The following AGBL1 variants were observed in gnomAD, a reference collection of about 807,000 sequenced individuals.
The protein encoded by AGBL1 is AGBL carboxypeptidase 1.
Under a neutral mutation model 118.9 loss-of-function variants are expected in AGBL1, and 130 were observed. The observed-to-expected ratio is 1.09, with a 90% CI of 0.95 to 1.26. The LOEUF (loss-of-function observed/expected upper bound fraction) is 1.26. AGBL1 is among the 50% of genes most tolerant of loss of function. AGBL1 has a pLI of 0.00. For missense variants in AGBL1, 1,584 were observed against 1,298.1 expected (o/e 1.22, Z -3.38); for synonymous variants, 555 against 478.9 (o/e 1.16, Z -2.08).
chr15:86,698,627 A>G (rs541336214), intron 22 of AGBL1, among the ~76,000 whole-genome samples: 1 of 149,424 alleles, frequency 6.7e-6, no homozygotes, highest in Non-Finnish European at 1.5e-5. Flanking sequence ...TTTTTTTTTA[A>G]AAAGAGACCA....
intron 6 of AGBL1, among the ~76,000 whole-genome samples, chr15:86,226,355 C>G (rs750772551): frequency 6.6e-6 from 1 of 152,150 alleles, no homozygotes. Context: ...GTAGGCCAGC[C>G]TGTGAATGTC....
intron 23 of AGBL1, among the ~76,000 whole-genome samples, chr15:86,971,561 G>A (rs531259106): frequency 5.9e-5 from 9 of 152,058 alleles, no homozygotes; most frequent in Admixed American, 3.9e-4. Flanking sequence ...AGCTCTATGA[G>A]AAAGGTAAAA....
At chr15:86,402,778 G>C (rs1029475058) in intron 18 of AGBL1, among the ~76,000 whole-genome samples, 3 of 152,126 alleles carry the variant, frequency 2.0e-5, no homozygotes, top group Non-Finnish European at 2.9e-5. Flanking sequence ...TGAAATAAAG[G>C]CATGATTTCC....
At chr15:86,275,312 C>T (rs1413826834) in intron 15 of AGBL1, among the ~76,000 whole-genome samples, 2 of 152,100 alleles carry the variant, frequency 1.3e-5, no homozygotes, top group African/African-American at 4.8e-5. Flanking sequence ...AAGAGCTCTG[C>T]CATCATGCAT....
chr15:86,889,987 G>A (rs76218135), intron 22 of AGBL1, among the ~76,000 whole-genome samples: 1 of 152,132 alleles, frequency 6.6e-6, no homozygotes, highest in African/African-American at 2.4e-5. Flanking sequence ...CTTCCACAAT[G>A]GTTGAACTAA....
At chr15:86,213,239 C>T (rs79402955) in intron 5 of AGBL1, among the ~76,000 whole-genome samples, 4,733 of 152,136 alleles carry the variant, frequency 0.031, 117 homozygotes, top group South Asian at 0.082. Context: ...CTTGGAGTTC[C>T]GCAAATCATG....
At chr15:86,754,977 G>C (rs1254475867) in intron 22 of AGBL1, among the ~76,000 whole-genome samples, 1 of 152,096 alleles carries the variant, frequency 6.6e-6, no homozygotes, top group Non-Finnish European at 1.5e-5. Flanking sequence ...TAACTGGAGA[G>C]AAGGAGGGGG....
intron 22 of AGBL1, among the ~76,000 whole-genome samples, chr15:86,882,482 A>T (rs1370152715): frequency 6.6e-6 from 1 of 152,200 alleles, no homozygotes; most frequent in Non-Finnish European, 1.5e-5. Context: ...TTCTGACACT[A>T]CTAATTTTGA....
At chr15:86,410,916 T>TTATATA (rs2081609491) in intron 18 of AGBL1, among the ~76,000 whole-genome samples, 1 of 122,938 alleles carries the variant, frequency 8.1e-6, no homozygotes, top group Non-Finnish European at 1.6e-5. Context: ...ATAATATATG[T>TTATATA]TATATAATAT....
intron 5 of AGBL1, among the ~76,000 whole-genome samples, chr15:86,163,709 C>T (rs1179203515): frequency 6.6e-6 from 1 of 151,202 alleles, no homozygotes; most frequent in South Asian, 2.1e-4. Flanking sequence ...GCCTGTGAGA[C>T]AGAGTGAGAT....
intron 13 of AGBL1, among the ~76,000 whole-genome samples, chr15:86,267,804 G>T (rs898020754): frequency 3.9e-5 from 6 of 152,148 alleles, no homozygotes; most frequent in African/African-American, 1.2e-4. Flanking sequence ...CAAAAGGCAA[G>T]ATACATGATT....
At chr15:86,732,930 GAT>G (rs896822725) in intron 22 of AGBL1, among the ~76,000 whole-genome samples, 19 of 149,150 alleles carry the variant, frequency 1.3e-4, no homozygotes, top group Non-Finnish European at 2.4e-4. Context: ...TAGATTTGTA[GAT>G]ATATATATAG....
At chr15:86,750,960 G>A (rs1396064692) in intron 22 of AGBL1, among the ~76,000 whole-genome samples, 1 of 152,010 alleles carries the variant, frequency 6.6e-6, no homozygotes, top group Non-Finnish European at 1.5e-5. Context: ...TCCCTGTAAA[G>A]GACATGATCT....
intron 19 of AGBL1, among the ~76,000 whole-genome samples, chr15:86,539,395 A>G (rs992149021): frequency 6.6e-6 from 1 of 152,148 alleles, no homozygotes; most frequent in African/African-American, 2.4e-5. Flanking sequence ...ATATACTTAT[A>G]TCTGGTGCCT....
At chr15:86,839,872 A>G (rs532121386) in intron 22 of AGBL1, among the ~76,000 whole-genome samples, 7 of 152,222 alleles carry the variant, frequency 4.6e-5, no homozygotes, top group Admixed American at 3.9e-4. Flanking sequence ...TTCCTCTGAG[A>G]TTCCCCTTAC....
intron 22 of AGBL1, among the ~76,000 whole-genome samples, chr15:86,675,969 G>A (rs1408627410): frequency 6.6e-6 from 1 of 152,176 alleles, no homozygotes; most frequent in African/African-American, 2.4e-5. Flanking sequence ...AGAATTTGAT[G>A]TCAGGCTTCA....
At chr15:86,203,945 CAA>C (rs1567123854) in intron 5 of AGBL1, among the ~76,000 whole-genome samples, 1 of 152,024 alleles carries the variant, frequency 6.6e-6, no homozygotes, top group Non-Finnish European at 1.5e-5. Flanking sequence ...GAAAAAGCAA[CAA>C]AACTGAAAAT....
At chr15:86,154,749 C>T (rs142973417) in intron 4 of AGBL1, among the ~76,000 whole-genome samples, 188 bp downstream of exon 4, 1 of 152,244 alleles carries the variant, frequency 6.6e-6, no homozygotes, top group African/African-American at 2.4e-5. Context: ...ATCATCTTCT[C>T]CTTAGCTGGG....
intron 22 of AGBL1, among the ~76,000 whole-genome samples, chr15:86,770,707 A>G (rs944452936): frequency 6.6e-6 from 1 of 151,950 alleles, no homozygotes; most frequent in Admixed American, 6.6e-5. Context: ...CGTAGGAGCA[A>G]GCTCCCTCAC....
Sources: allele counts gnomAD v4.1 joint callset (sites outside exome capture counted in the v4.1 genomes callset), GRCh38; gene constraint gnomAD v4.1.1; transcripts MANE v1.5; gene names NCBI Gene and HGNC (gene_info 2026-07-23, HGNC 2026-07-21).